The following INSYN2B variants were observed in gnomAD, a reference collection of about 807,000 sequenced individuals.
The protein encoded by INSYN2B is inhibitory synaptic factor family member 2B.
INSYN2B carries 16 observed loss-of-function variants against 41.2 expected under a neutral mutation model. The ratio of observed to expected loss-of-function variants is 0.39; its 90% CI spans 0.26 to 0.59. The LOEUF (loss-of-function observed/expected upper bound fraction) is 0.59. INSYN2B is among the 20% of genes least tolerant of loss of function. The pLI, the probability that INSYN2B is intolerant of heterozygous loss-of-function variation, is 0.57. For synonymous variants in INSYN2B, 245 were observed against 244.4 expected (o/e 1.00, Z -0.02); for missense variants, 608 against 646.4 (o/e 0.94, Z 0.64).
At chr5:169,927,656 G>A (rs773125850) in intron 1 of INSYN2B, among the ~76,000 whole-genome samples, 17 of 152,190 alleles carry the variant, frequency 1.1e-4, no homozygotes, top group South Asian at 2.1e-4. Flanking sequence ...TCGCTCTGTC[G>A]CCCAGGCTGG....
chr5:169,962,693 G>A (rs923915864), intron 1 of INSYN2B, among the ~76,000 whole-genome samples: 11 of 152,128 alleles, frequency 7.2e-5, no homozygotes, highest in African/African-American at 2.7e-4. Context: ...GGAAAATACG[G>A]CACTAAAAAG....
chr5:169,870,904 A>T (rs1444504218), intron 3 of INSYN2B, among the ~76,000 whole-genome samples: 10 of 152,186 alleles, frequency 6.6e-5, no homozygotes, highest in African/African-American at 2.4e-4. Flanking sequence ...GGTGGCTTAT[A>T]CATACATACA....
chr5:169,917,461 T>C (rs1774935989), intron 1 of INSYN2B, among the ~76,000 whole-genome samples: 1 of 152,238 alleles, frequency 6.6e-6, no homozygotes, highest in Admixed American at 6.5e-5. Flanking sequence ...TTTTAATTAC[T>C]GTGACTATCA....
Position 169,863,061 on chromosome 5 carries a change from T to G in INSYN2B, c.*1212A>C, listed in dbSNP as rs1771302548. 2.0e-5 allele frequency among the ~76,000 whole-genome samples: 3 copies of G among 152,246 alleles called. No individual in the cohort carries two copies. On this transcript the variant is annotated 3_prime_UTR_variant, in exon 4 of 4. Coordinates refer to ENST00000377365, the MANE Select transcript of INSYN2B (RefSeq NM_001129891.3). ...ATCCACAAGAGTATATAGCAATTAC[T>G]TAATTATATTACTTTAGTAGTTTGT...
chr5:169,875,474 T>C (rs1772271331), intron 3 of INSYN2B: 1 of 336,234 alleles, frequency 3.0e-6, no homozygotes, highest in South Asian at 2.4e-5. Flanking sequence ...TTCAGATGAG[T>C]CTGGCATCTG....
chr5:169,924,232 T>TC (rs2113660283), intron 1 of INSYN2B, among the ~76,000 whole-genome samples: 1 of 152,288 alleles, frequency 6.6e-6, no homozygotes, highest in South Asian at 2.1e-4. Context: ...CCACACACAC[T>TC]AGCTCTGGCC....
chr5:169,867,714 A>C (rs1483382472), intron 3 of INSYN2B, among the ~76,000 whole-genome samples: 1 of 152,056 alleles, frequency 6.6e-6, no homozygotes, highest in Non-Finnish European at 1.5e-5. Flanking sequence ...ACACATACAC[A>C]CATATATAAT....
chr5:169,968,259 G>T (rs1334744585), intron 1 of INSYN2B, among the ~76,000 whole-genome samples: 2 of 152,160 alleles, frequency 1.3e-5, no homozygotes, highest in Non-Finnish European at 2.9e-5. Context: ...TGGCCCTGTG[G>T]GCACTGGGAT....
intron 1 of INSYN2B, among the ~76,000 whole-genome samples, chr5:169,891,378 T>C (rs1773270745): frequency 6.6e-6 from 1 of 152,216 alleles, no homozygotes; most frequent in Admixed American, 6.5e-5. Context: ...GAGTAAATTC[T>C]TATAGTTAGA....
chr5:169,916,266 T>C (rs1161943782), intron 1 of INSYN2B, among the ~76,000 whole-genome samples: 2 of 152,228 alleles, frequency 1.3e-5, no homozygotes, highest in Non-Finnish European at 2.9e-5. Flanking sequence ...TAATTCTAGG[T>C]GTGTTTGTCC....
Position 169,895,694 on chromosome 5 carries a change from TATC to T in INSYN2B, c.-918-10881_-918-10879del, listed in dbSNP as rs1305533241. On this transcript the variant is annotated intron_variant, in intron 1 of 3. Transcript: ENST00000377365. ...ATTCCATCTCCTGGAATGAAATACT[TATC>T]ATGACTTGGCAAAGCCTTTCTCTTA... is the stretch of plus-strand genomic sequence containing the variant. Among the ~76,000 whole-genome samples the T allele has an allele frequency of 9.2e-4, 140 of 152,084 alleles. 1 individual carries two copies. The highest frequency in any genetic ancestry group is 7.4e-5 in the Non-Finnish European group (5 of 67,990).
At chr5:169,923,762 T>C (rs1039486613) in intron 1 of INSYN2B, among the ~76,000 whole-genome samples, 1 of 152,216 alleles carries the variant, frequency 6.6e-6, no homozygotes, top group East Asian at 1.9e-4. Flanking sequence ...TAAAAACATA[T>C]ATGGCATGTT....
At chr5:169,919,198 T>C (rs1469553916) in intron 1 of INSYN2B, among the ~76,000 whole-genome samples, 4 of 152,222 alleles carry the variant, frequency 2.6e-5, no homozygotes, top group Admixed American at 2.6e-4. Context: ...TTGTTTTGAA[T>C]TGAAGTAACT....
chr5:169,965,651 C>T (rs922252829), intron 1 of INSYN2B, among the ~76,000 whole-genome samples: 1 of 152,142 alleles, frequency 6.6e-6, no homozygotes, highest in Non-Finnish European at 1.5e-5. Context: ...GTTTAGGAAC[C>T]ATGGCCTCAG....
At chr5:169,888,611 T>G (rs1009584179) in intron 1 of INSYN2B, among the ~76,000 whole-genome samples, 3 of 152,206 alleles carry the variant, frequency 2.0e-5, no homozygotes, top group African/African-American at 7.2e-5. Context: ...CTCAGTATCT[T>G]TAGGCCATAC....
At chr5:169,935,599 A>G (rs938029406) in intron 1 of INSYN2B, among the ~76,000 whole-genome samples, 8 of 152,166 alleles carry the variant, frequency 5.3e-5, no homozygotes, top group African/African-American at 1.7e-4. Flanking sequence ...GAGTTTTATC[A>G]CGTCCTACCT....
intron 1 of INSYN2B, among the ~76,000 whole-genome samples, chr5:169,956,189 C>A (rs564965794): frequency 3.9e-5 from 6 of 152,340 alleles, no homozygotes; most frequent in African/African-American, 1.2e-4. Flanking sequence ...ACTTGATGGT[C>A]TCTAAGATTC....
intron 3 of INSYN2B, among the ~76,000 whole-genome samples, chr5:169,865,223 G>A (rs762153843): frequency 6.6e-6 from 1 of 152,166 alleles, no homozygotes; most frequent in African/African-American, 2.4e-5. Context: ...GTGTTTTGGT[G>A]TCATTAACAT....
At chr5:169,882,143 C>T (rs1466963704) in intron 2 of INSYN2B, among the ~76,000 whole-genome samples, 2 of 152,134 alleles carry the variant, frequency 1.3e-5, no homozygotes, top group Non-Finnish European at 1.5e-5. Context: ...AGTCCTTTGT[C>T]ACAATGACAT....
Sources: allele counts gnomAD v4.1 joint callset (sites outside exome capture counted in the v4.1 genomes callset), GRCh38; gene constraint gnomAD v4.1.1; transcripts MANE v1.5; gene names NCBI Gene and HGNC (gene_info 2026-07-23, HGNC 2026-07-21).